The following NAA11 variants were observed in gnomAD, a reference collection of about 807,000 sequenced individuals.
The protein encoded by NAA11 is N-alpha-acetyltransferase 11, NatA catalytic subunit, also known as N-alpha-acetyltransferase 11.
Under a neutral mutation model 16.1 loss-of-function variants are expected in NAA11, and 15 were observed. The observed-to-expected ratio is 0.93, with a 90% CI of 0.62 to 1.44. The LOEUF is 1.44. Among genes scored for constraint, NAA11 ranks in the 40% most tolerant of loss-of-function variants. The pLI is 0.00. For synonymous variants in NAA11, 122 were observed against 112.4 expected (o/e 1.09, Z -0.54); for missense variants, 298 against 291.3 (o/e 1.02, Z -0.17).
chr4:79,199,800 G>A, the NAA11 span, among the ~76,000 whole-genome samples: 11 of 151,894 alleles, frequency 7.2e-5, no homozygotes, highest in African/African-American at 2.7e-4. Flanking sequence ...TCAGATTTCT[G>A]TCACTAAAAT....
the NAA11 span, among the ~76,000 whole-genome samples, chr4:79,209,915 G>T: frequency 1.3e-5 from 2 of 152,010 alleles, no homozygotes; most frequent in African/African-American, 2.4e-5. Flanking sequence ...GCGTGGTGGC[G>T]CACACCTGTA....
chr4:79,242,455 A>C (rs1721720521), intron 2 of NAA11, among the ~76,000 whole-genome samples: 1 of 152,232 alleles, frequency 6.6e-6, no homozygotes, highest in Non-Finnish European at 1.5e-5. Flanking sequence ...AAACCCAGTG[A>C]ACTTCTCTGC....
At chr4:79,319,001 T>G (rs1020336753) in intron 1 of NAA11, among the ~76,000 whole-genome samples, 2 of 152,188 alleles carry the variant, frequency 1.3e-5, no homozygotes, top group Non-Finnish European at 2.9e-5. Context: ...CACAAGAGCC[T>G]CAAACTCCTG....
intron 2 of NAA11, among the ~76,000 whole-genome samples, chr4:79,267,671 T>C (rs549186710): frequency 1.3e-5 from 2 of 152,238 alleles, no homozygotes; most frequent in Middle Eastern, 3.4e-3. Flanking sequence ...CCTCCTCTTC[T>C]TGGGGGAACA....
At chr4:79,248,844 T>A (rs1351678443) in intron 2 of NAA11, among the ~76,000 whole-genome samples, 1 of 152,164 alleles carries the variant, frequency 6.6e-6, no homozygotes, top group Non-Finnish European at 1.5e-5. Context: ...ACCAGCTCCC[T>A]GCCTTAACCC....
At chr4:79,270,465 A>G (rs1722467880) in intron 2 of NAA11, among the ~76,000 whole-genome samples, 1 of 149,088 alleles carries the variant, frequency 6.7e-6, no homozygotes, top group African/African-American at 2.5e-5. Context: ...AGGAACTGGT[A>G]CCATTCCTTC....
At chr4:79,296,337 G>C (rs542716612) in intron 1 of NAA11, among the ~76,000 whole-genome samples, 2 of 152,260 alleles carry the variant, frequency 1.3e-5, no homozygotes, top group African/African-American at 2.4e-5. Context: ...TTCAACTTCT[G>C]GAAGTCATCC....
the NAA11 span, among the ~76,000 whole-genome samples, chr4:79,202,521 T>TACAC: frequency 0.68 from 91,723 of 134,716 alleles, 32,224 homozygotes; most frequent in East Asian, 0.86. Flanking sequence ...TAAACTTTTA[T>TACAC]ACACACACAC....
intron 2 of NAA11, among the ~76,000 whole-genome samples, chr4:79,265,190 C>T (rs1200029222): frequency 6.6e-6 from 1 of 152,122 alleles, no homozygotes; most frequent in Non-Finnish European, 1.5e-5. Context: ...GCTTTACCTT[C>T]AAATCATATT....
chr4:79,263,697 A>G (rs1462167260), intron 2 of NAA11, among the ~76,000 whole-genome samples: 1 of 151,994 alleles, frequency 6.6e-6, no homozygotes, highest in Non-Finnish European at 1.5e-5. Context: ...GTTAAATACA[A>G]CCTTTCTCCT....
chr4:79,183,334 A>T, the NAA11 span, among the ~76,000 whole-genome samples: 1 of 152,168 alleles, frequency 6.6e-6, no homozygotes, highest in Non-Finnish European at 1.5e-5. Context: ...TTTGTGCCAA[A>T]GGATACTATC....
the NAA11 span, among the ~76,000 whole-genome samples, chr4:79,174,884 C>T: frequency 1.3e-5 from 2 of 152,182 alleles, no homozygotes; most frequent in South Asian, 4.2e-4. Context: ...TATCTGTCTT[C>T]TCATTTTTTT....
chr4:79,183,920 T>C, the NAA11 span, among the ~76,000 whole-genome samples: 974 of 152,314 alleles, frequency 6.4e-3, 27 homozygotes, highest in East Asian at 0.09. Flanking sequence ...GATCAAGTTA[T>C]GTCACATGCT....
At chr4:79,207,367 TAA>T in the NAA11 span, among the ~76,000 whole-genome samples, 12 of 115,892 alleles carry the variant, frequency 1.0e-4, no homozygotes, top group African/African-American at 2.9e-4. Flanking sequence ...TGAATGAGGT[TAA>T]AAAAAAAAAA....
At chr4:79,312,337 TTTTATTTA>T (rs1345039498), downstream of NAA11, among the ~76,000 whole-genome samples, 3 of 152,074 alleles carry the variant, frequency 2.0e-5, no homozygotes, top group African/African-American at 7.2e-5. Flanking sequence ...TTTACTAATG[TTTTATTTA>T]TTTATTTAAG....
the NAA11 span, among the ~76,000 whole-genome samples, chr4:79,199,484 C>G: frequency 6.6e-5 from 10 of 151,772 alleles, no homozygotes; most frequent in African/African-American, 2.4e-4. Flanking sequence ...ACTAGCAGGT[C>G]AGGCAAAATG....
Position 79,230,803 on chromosome 4 carries a change from C to T in NAA11, c.*123-4533G>A, listed in dbSNP as rs575945992. Among the ~76,000 whole-genome samples, 24 of 151,996 alleles carry T rather than the reference C, an allele frequency of 1.6e-4. No individual in the cohort carries two copies. In the South Asian group the frequency reaches 4.8e-3, roughly 30 times the overall value. On this transcript the variant is annotated intron_variant and NMD_transcript_variant, in intron 2 of 2. Transcript: ENST00000511542. ...CGATACTCTTAACAGAGAAAGTGCTCAAGAACTTTGAGACTCATTTGGAAC... is the reference window on the plus strand; with the variant it reads ...CGATACTCTTAACAGAGAAAGTGCTTAAGAACTTTGAGACTCATTTGGAAC...
the NAA11 span, among the ~76,000 whole-genome samples, chr4:79,210,914 G>C: frequency 3.9e-5 from 6 of 152,204 alleles, no homozygotes; most frequent in Non-Finnish European, 7.3e-5. Flanking sequence ...CATAGGGGCA[G>C]GTGAGGATTA....
the NAA11 span, among the ~76,000 whole-genome samples, chr4:79,179,180 C>T: frequency 2.0e-5 from 3 of 152,134 alleles, no homozygotes; most frequent in East Asian, 3.9e-4. Context: ...TATTTTTTGA[C>T]GTATGATATT....
Sources: gnomAD v4.1 joint callset for allele counts (sites outside exome capture counted in the v4.1 genomes callset) on GRCh38, gnomAD v4.1.1 for gene constraint, MANE v1.5 for transcripts, NCBI Gene and HGNC (gene_info 2026-07-23, HGNC 2026-07-21) for gene names.